Variants in TM7SF3 observed in about 807,000 individuals in gnomAD.
TM7SF3 encodes transmembrane 7 superfamily member 3, also known as seven span transmembrane protein.
A neutral mutation model predicts 65.5 loss-of-function variants in TM7SF3; 60 were observed. The ratio of observed to expected loss-of-function variants is 0.92; its 90% CI spans 0.74 to 1.14. The LOEUF (loss-of-function observed/expected upper bound fraction) is 1.14, where lower values mean the gene tolerates loss of function less well. TM7SF3 is among the 50% of genes most tolerant of loss of function. The probability of loss-of-function intolerance (pLI) is 0.00; values close to 1 mark genes in which losing one functional copy is unlikely to be tolerated. For synonymous variants in TM7SF3, 264 were observed against 259.6 expected (o/e 1.02, Z -0.16); for missense variants, 623 against 684.8 (o/e 0.91, Z 1.01).
chr12:26,972,210 T>TC lies in TM7SF3; in HGVS notation c.*1754dup, dbSNP rs1939389656. On this transcript the variant is annotated 3_prime_UTR_variant, in exon 12 of 12. Transcript: ENST00000343028. ...AAGGGTGTCAAAACTGAGGGGACTC[T>TC]CCAAGGTCCTAATGAAAAGCAGCTC... is the stretch of plus-strand genomic sequence containing the variant. The TC allele has an allele frequency of 6.6e-6, 1 of 152,180 alleles. No individual in the cohort carries two copies. Among genetic ancestry groups the TC allele is most frequent in the African/African-American group, 2.4e-5 (1 of 41,430 alleles). The allele number at this position is 152,180 out of a possible 1,614,324, so 9.4% of individuals were successfully genotyped here.
At position 26,990,602 on chromosome 12, in the gene TM7SF3, T is replaced by G. The variant is rs762169455; in HGVS notation, c.716A>C (p.Lys239Thr). 2 of 1,613,932 alleles carry G rather than the reference T, an allele frequency of 1.2e-6. No homozygotes were observed. Among genetic ancestry groups the G allele is most frequent in the Non-Finnish European group, 1.7e-6 (2 of 1,179,824 alleles). Reference protein sequence around the residue: ...LKVVTLTANDKTSVSFSSLPG... With the variant: ...LKVVTLTANDTTSVSFSSLPG... Reference sequence around the variant, plus strand: ...GAGGGAGGAGAAGGAAACACTTGTCTTATCATTAGCTGTTAGGGTAACCAC... The same window carrying G: ...GAGGGAGGAGAAGGAAACACTTGTCGTATCATTAGCTGTTAGGGTAACCAC... The change falls in exon 6 of 12, where the codon AAG (lysine) becomes ACG (threonine). Residue 239 changes from lysine to threonine, a missense_variant. Coordinates refer to ENST00000343028, the MANE Select transcript of TM7SF3 (RefSeq NM_016551.3).
At chr12:26,979,437 G>C in intron 9 of TM7SF3, 1 of 235,308 alleles carries the variant, frequency 4.2e-6, no homozygotes, top group Non-Finnish European at 8.5e-6. Context: ...GGGTACAACA[G>C]AAGACCAGAA....
At position 26,985,806 on chromosome 12, in the gene TM7SF3, G is replaced by GTTTTTTT. The variant is rs149988617; in HGVS notation, c.869-2954_869-2948dup. On this transcript the variant is annotated intron_variant, in intron 6 of 11. Coordinates refer to ENST00000343028, the MANE Select transcript of TM7SF3 (RefSeq NM_016551.3). ...CTTTGCTTGGCCAAATTTCTTTTTCGTTTTTTTTTTTTTTTTTTTTTTTTT... is the reference window on the plus strand; with the variant it reads ...CTTTGCTTGGCCAAATTTCTTTTTCGTTTTTTTTTTTTTTTTTTTTTTTTTTTTTTTT... 3.9e-3 allele frequency among the ~76,000 whole-genome samples: 207 copies of GTTTTTTT among 52,830 alleles called. 29 individuals are homozygous for GTTTTTTT. Among genetic ancestry groups the GTTTTTTT allele is most frequent in the Middle Eastern group, 0.021 (1 of 48 alleles). The allele number at this position is 52,830 out of a possible 152,430, so 34.7% of individuals were successfully genotyped here.
intron 8 of TM7SF3, 116 bp from the exon 9 acceptor site, chr12:26,980,052 AG>A: frequency 8.1e-7 from 1 of 1,229,406 alleles, no homozygotes; most frequent in Non-Finnish European, 1.1e-6. Flanking sequence ...TCAGGCACTG[AG>A]GGCTCTTCAG....
At chr12:27,013,258 C>A (rs1941318682) in intron 1 of TM7SF3, among the ~76,000 whole-genome samples, 1 of 152,214 alleles carries the variant, frequency 6.6e-6, no homozygotes, top group South Asian at 2.1e-4. Context: ...ATTAATATCT[C>A]ATAGAGATCT....
At chr12:26,990,160 G>A (rs552301484) in intron 6 of TM7SF3, among the ~76,000 whole-genome samples, 1 of 152,226 alleles carries the variant, frequency 6.6e-6, no homozygotes, top group African/African-American at 2.4e-5. Flanking sequence ...CCTCTTACTG[G>A]CATGTGTTAT....
At chr12:27,007,402 T>C (rs981287724) in intron 1 of TM7SF3, among the ~76,000 whole-genome samples, 16 of 152,098 alleles carry the variant, frequency 1.1e-4, no homozygotes, top group African/African-American at 2.4e-4. Context: ...TTTTAAGTGA[T>C]TTTTTTTCTT....
chr12:26,982,171 A>T (rs1939845869), intron 7 of TM7SF3, among the ~76,000 whole-genome samples: 1 of 152,006 alleles, frequency 6.6e-6, no homozygotes, highest in Non-Finnish European at 1.5e-5. Flanking sequence ...TGTAGCTGGG[A>T]CTACAGGCAC....
rs1025844694 is a variant in TM7SF3, at chr12:26,972,639, T to C, written c.*1326A>G. ...TAGTATATATTCTACTATACTATAG[T>C]AGAGACCACTATGTTGGCCAGGCTG... On this transcript the variant is annotated 3_prime_UTR_variant, in exon 12 of 12. Coordinates refer to ENST00000343028, the MANE Select transcript of TM7SF3 (RefSeq NM_016551.3). 6.6e-6 allele frequency: 1 copy of C among 152,088 alleles called. No homozygotes were observed. Among genetic ancestry groups the C allele is most frequent in the Non-Finnish European group, 1.5e-5 (1 of 67,996 alleles). 9.4% of individuals were successfully genotyped at this position (152,088 alleles called of 1,614,324 possible).
intron 4 of TM7SF3, 73 bp downstream of exon 4, chr12:26,996,669 A>T: frequency 6.8e-7 from 1 of 1,476,826 alleles, no homozygotes; most frequent in Non-Finnish European, 9.1e-7. Flanking sequence ...GACTTGAGAG[A>T]GCTGGTCAAA....
rs1592273051 is a variant in TM7SF3, at chr12:26,979,424, T to A, written c.1189+360A>T. 9.8e-5 allele frequency: 20 copies of A among 205,084 alleles called. No individual in the cohort carries two copies. The South Asian group carries it at 1.8e-3, about 18-fold the overall frequency. The allele number at this position is 205,084 out of a possible 1,614,324, so 12.7% of individuals were successfully genotyped here. On this transcript the variant is annotated intron_variant, in intron 9 of 11. Coordinates refer to ENST00000343028, the MANE Select transcript of TM7SF3 (RefSeq NM_016551.3). ...TTTGGCAGCGGATGGGAGTGGAGGT[T>A]GAGGGTACAACAGAAGACCAGAAAC...
chr12:26,974,200 A>ATGC lies in TM7SF3; in HGVS notation c.1475_1477dup (p.Gly492_Met493insSer). The ATGC allele has an allele frequency of 1.2e-6, 2 of 1,614,212 alleles. No homozygotes were observed. Among genetic ancestry groups the ATGC allele is most frequent in the Non-Finnish European group, 1.7e-6 (2 of 1,180,030 alleles). The stretch of plus-strand genomic sequence containing the variant: ...TAACGTAATTCCACTTACAGCCAGC[A>ATGC]TGCCCCATACTGCCAGGATAATGAA... On this transcript the variant is annotated inframe_insertion, in exon 12 of 12. Transcript: ENST00000343028.
rs190947756 is a variant in TM7SF3, at chr12:27,006,178, C to T, written c.92-2788G>A. Among the ~76,000 whole-genome samples, 303 of 127,950 alleles carry T rather than the reference C, an allele frequency of 2.4e-3. 1 individual carries two copies. The highest frequency in any genetic ancestry group is 8.8e-3 in the African/African-American group (293 of 33,472). The allele number at this position is 127,950 out of a possible 152,430, so 83.9% of individuals were successfully genotyped here. On this transcript the variant is annotated intron_variant, in intron 1 of 11. Coordinates refer to ENST00000343028, the MANE Select transcript of TM7SF3 (RefSeq NM_016551.3). The stretch of plus-strand genomic sequence containing the variant: ...TTTTTGAGACAGAGTCTTGCTCTGT[C>T]GCCAGGCTGGAGTGCAGTGGCGCAA...
intron 6 of TM7SF3, among the ~76,000 whole-genome samples, chr12:26,988,431 T>C (rs974628535): frequency 5.9e-5 from 9 of 152,334 alleles, no homozygotes; most frequent in Non-Finnish European, 1.0e-4. Flanking sequence ...CCCAATGTGC[T>C]GGGATTACAG....
chr12:26,986,679 T>C (rs1940114935), intron 6 of TM7SF3, among the ~76,000 whole-genome samples: 1 of 152,168 alleles, frequency 6.6e-6, no homozygotes, highest in South Asian at 2.1e-4. Flanking sequence ...GACTTTCTTC[T>C]TTAGAGCAAA....
chr12:27,001,161 C>T (rs1940816191), intron 2 of TM7SF3, among the ~76,000 whole-genome samples: 1 of 152,156 alleles, frequency 6.6e-6, no homozygotes, highest in Admixed American at 6.5e-5. Context: ...AACAGAAGCA[C>T]TTCTCTTTAC....
rs773697487 is a variant in TM7SF3 at position 26,975,563 on chromosome 12, G to A, written c.1383C>T (p.Asn461=). The change falls in exon 11 of 12, where the codon AAC becomes AAT. Residue 461 remains asparagine (N), a synonymous_variant. Coordinates refer to ENST00000343028, the MANE Select transcript of TM7SF3 (RefSeq NM_016551.3). ...CCTTGTTGAGCGCTCTCTTGAGTAC[G>A]TTCAAAGTGATGTAGGAAAGGCTTG... The part of the protein sequence containing the change: ...WSTSLSYITL[N]VLKRALNKDF... 33 of 1,614,040 alleles carry A rather than the reference G, an allele frequency of 2.0e-5. No homozygotes were observed. The East Asian group carries it at 3.3e-4, about 16-fold the overall frequency.
chr12:27,013,986 C>T (rs1941343630), intron 1 of TM7SF3, 92 bp downstream of exon 1: 1 of 1,100,070 alleles, frequency 9.1e-7, no homozygotes, highest in Non-Finnish European at 1.4e-6. Context: ...GCACCATCTC[C>T]CTGCTAGGCT....
chr12:26,982,036 CTTT>C (rs895133692), intron 7 of TM7SF3, among the ~76,000 whole-genome samples: 1 of 146,722 alleles, frequency 6.8e-6, no homozygotes, highest in Non-Finnish European at 1.5e-5. Context: ...CAACCAACTT[CTTT>C]TTTTTTTTTC....
Sources: allele counts gnomAD v4.1 joint callset (sites outside exome capture counted in the v4.1 genomes callset), GRCh38; gene constraint gnomAD v4.1.1; transcripts MANE v1.5; gene names NCBI Gene and HGNC (gene_info 2026-07-23, HGNC 2026-07-21).